Variants in SCN11A observed in about 807,000 individuals in gnomAD.
SCN11A encodes the protein sodium voltage-gated channel alpha subunit 11.
A neutral mutation model predicts 162.2 loss-of-function variants in SCN11A; 122 were observed. That is an observed-to-expected ratio of 0.75 (90% CI 0.65 to 0.87). SCN11A has a LOEUF of 0.87. Among genes scored for constraint, SCN11A ranks in the 40% least tolerant of loss-of-function variants. The pLI, the probability that SCN11A is intolerant of heterozygous loss-of-function variation, is 0.00. For synonymous variants in SCN11A, 758 were observed against 751.5 expected (o/e 1.01, Z -0.14); for missense variants, 2,015 against 2,181.6 (o/e 0.92, Z 1.52).
At chr3:38,951,441 C>T (rs1334302499) in intron 4 of SCN11A, among the ~76,000 whole-genome samples, 4 of 152,270 alleles carry the variant, frequency 2.6e-5, no homozygotes, top group African/African-American at 9.6e-5. Flanking sequence ...CCACTCCCTC[C>T]ATGGGCTCCT....
At chr3:38,977,391 AC>A (rs1490679372) in intron 2 of SCN11A, among the ~76,000 whole-genome samples, 1 of 152,190 alleles carries the variant, frequency 6.6e-6, no homozygotes, top group Non-Finnish European at 1.5e-5. Flanking sequence ...TATCACCTGA[AC>A]AAGTCACTTT....
At chr3:38,941,340 A>T (rs2066439889) in intron 7 of SCN11A, among the ~76,000 whole-genome samples, 1 of 152,232 alleles carries the variant, frequency 6.6e-6, no homozygotes, top group Non-Finnish European at 1.5e-5. Context: ...AAATAAAGAC[A>T]TTTTCAGATC....
intron 7 of SCN11A, among the ~76,000 whole-genome samples, chr3:38,939,781 T>C (rs912992602): frequency 6.6e-6 from 1 of 151,882 alleles, no homozygotes; most frequent in African/African-American, 2.4e-5. Context: ...CGCATGCCTG[T>C]AATCCCAGCT....
intron 2 of SCN11A, among the ~76,000 whole-genome samples, chr3:38,963,422 G>GATAT (rs1491445979): frequency 2.4e-5 from 1 of 41,706 alleles, no homozygotes; most frequent in Non-Finnish European, 4.0e-5. Flanking sequence ...ATATATGATG[G>GATAT]AGATATATAT....
At chr3:38,985,109 T>A (rs1235017935) in intron 2 of SCN11A, among the ~76,000 whole-genome samples, 1 of 148,630 alleles carries the variant, frequency 6.7e-6, no homozygotes, top group Non-Finnish European at 1.5e-5. Context: ...TTTAAAAAAA[T>A]GTCTTTCTGG....
chr3:38,958,698 T>A (rs2066711689), intron 3 of SCN11A, among the ~76,000 whole-genome samples: 1 of 152,238 alleles, frequency 6.6e-6, no homozygotes, highest in African/African-American at 2.4e-5. Flanking sequence ...GTCATTGTCC[T>A]GTATAACAAT....
chr3:38,974,130 T>C (rs945101919), intron 2 of SCN11A, among the ~76,000 whole-genome samples: 14 of 152,102 alleles, frequency 9.2e-5, no homozygotes, highest in South Asian at 4.1e-4. Flanking sequence ...TAAAAACTAA[T>C]AGAAAAGCTG....
At chr3:38,974,709 A>AAAAAAAAAAAAAAAAAAG (rs1553647127) in intron 2 of SCN11A, among the ~76,000 whole-genome samples, 1 of 130,374 alleles carries the variant, frequency 7.7e-6, no homozygotes, top group Non-Finnish European at 1.6e-5. Context: ...AAAAAAAAAA[A>AAAAAAAAAAAAAAAAAAG]AAAAGAAAAG....
chr3:38,851,364 GA>G (rs1317082410), intron 28 of SCN11A, among the ~76,000 whole-genome samples: 1 of 151,992 alleles, frequency 6.6e-6, no homozygotes, highest in African/African-American at 2.4e-5. Context: ...ACTGAAAATA[GA>G]AAAAAATGAT....
At chr3:38,935,646 C>T (rs1183943761) in intron 7 of SCN11A, among the ~76,000 whole-genome samples, 1 of 152,080 alleles carries the variant, frequency 6.6e-6, no homozygotes, top group South Asian at 2.1e-4. Flanking sequence ...ATAAATTCCT[C>T]GACACATACA....
At chr3:38,952,320 C>A (rs2066632703) in intron 4 of SCN11A, among the ~76,000 whole-genome samples, 1 of 152,168 alleles carries the variant, frequency 6.6e-6, no homozygotes, top group Non-Finnish European at 1.5e-5. Flanking sequence ...AAACTAGACA[C>A]TGAAAAGAAG....
chr3:38,930,661 T>A (rs1426331018), intron 7 of SCN11A, among the ~76,000 whole-genome samples: 1 of 152,176 alleles, frequency 6.6e-6, no homozygotes, highest in Admixed American at 6.5e-5. Flanking sequence ...CACCATTCTC[T>A]CTTTTCCAGC....
intron 2 of SCN11A, among the ~76,000 whole-genome samples, chr3:38,997,340 C>T (rs1451055914): frequency 6.6e-6 from 1 of 152,190 alleles, no homozygotes; most frequent in East Asian, 1.9e-4. Context: ...CTGGCCATCC[C>T]CCTTTGCTGG....
At chr3:38,992,021 C>T (rs1382925220) in intron 2 of SCN11A, among the ~76,000 whole-genome samples, 1 of 152,052 alleles carries the variant, frequency 6.6e-6, no homozygotes, top group Admixed American at 6.5e-5. Context: ...GTTGGCCAGG[C>T]TGGTCTCGAA....
intron 2 of SCN11A, among the ~76,000 whole-genome samples, chr3:39,013,742 A>C (rs925671682): frequency 1.3e-5 from 2 of 152,234 alleles, no homozygotes; most frequent in Non-Finnish European, 2.9e-5. Flanking sequence ...TCTCCCCAAC[A>C]AGGGGAAACA....
chr3:39,027,368 G>C (rs1262712441), intron 2 of SCN11A, among the ~76,000 whole-genome samples: 1 of 152,146 alleles, frequency 6.6e-6, no homozygotes, highest in Non-Finnish European at 1.5e-5. Flanking sequence ...ACTGGGTTTT[G>C]GGGGTCATTC....
At chr3:38,945,598 C>A in intron 6 of SCN11A, 86 bp from the exon 7 acceptor site, 2 of 791,258 alleles carry the variant, frequency 2.5e-6, no homozygotes, top group Admixed American at 3.1e-5. Flanking sequence ...CCCTGATGGT[C>A]CCCTTTTCTG....
chr3:38,982,245 A>G (rs1381332889), intron 2 of SCN11A, among the ~76,000 whole-genome samples: 1 of 152,172 alleles, frequency 6.6e-6, no homozygotes, highest in African/African-American at 2.4e-5. Context: ...TAAGGGGGAA[A>G]TGACAGTCCC....
At chr3:38,863,560 T>C (rs2064998727) in intron 27 of SCN11A, among the ~76,000 whole-genome samples, 1 of 152,116 alleles carries the variant, frequency 6.6e-6, no homozygotes, top group Non-Finnish European at 1.5e-5. Context: ...TTCGCAAATA[T>C]ACACAGAATC....
Sources: allele counts gnomAD v4.1 joint callset (sites outside exome capture counted in the v4.1 genomes callset), GRCh38; gene constraint gnomAD v4.1.1; transcripts MANE v1.5; gene names NCBI Gene and HGNC (gene_info 2026-07-23, HGNC 2026-07-21).